Variants in EFEMP1 observed in about 807,000 individuals in gnomAD.
EFEMP1 encodes the protein EGF-containing fibulin-like extracellular matrix protein 1.
Under a neutral mutation model 65.7 loss-of-function variants are expected in EFEMP1, and 18 were observed. The ratio of observed to expected loss-of-function variants is 0.27; its 90% CI spans 0.19 to 0.41. The LOEUF (loss-of-function observed/expected upper bound fraction) is 0.41. EFEMP1 is among the 10% of genes least tolerant of loss of function. The probability of loss-of-function intolerance (pLI) is 1.00; values close to 1 mark genes in which losing one functional copy is unlikely to be tolerated. For missense variants in EFEMP1, 469 were observed against 624.8 expected (o/e 0.75, Z 2.66); for synonymous variants, 237 against 219.7 (o/e 1.08, Z -0.70).
At chr2:55,884,868 T>G (rs1669369112) in intron 5 of EFEMP1, among the ~76,000 whole-genome samples, 1 of 152,202 alleles carries the variant, frequency 6.6e-6, no homozygotes, top group Non-Finnish European at 1.5e-5. Context: ...TTTTCCCCCC[T>G]GTATTCCCAG....
At chr2:55,879,904 A>C (rs572762810) in intron 6 of EFEMP1, among the ~76,000 whole-genome samples, 1 of 152,330 alleles carries the variant, frequency 6.6e-6, no homozygotes, top group Non-Finnish European at 1.5e-5. Context: ...CTTCATCATA[A>C]TTTGAGAAGT....
At chr2:55,918,860 A>C (rs1670809557) in intron 3 of EFEMP1, among the ~76,000 whole-genome samples, 1 of 152,114 alleles carries the variant, frequency 6.6e-6, no homozygotes, top group Admixed American at 6.6e-5. Context: ...CACCTTCTGA[A>C]ACCAGGCAGT....
chr2:55,897,213 A>G (rs1669862261), intron 5 of EFEMP1, among the ~76,000 whole-genome samples: 1 of 152,104 alleles, frequency 6.6e-6, no homozygotes, highest in South Asian at 2.1e-4. Flanking sequence ...AGCACCCACT[A>G]TGCTTTGCAT....
At chr2:55,879,672 T>C (rs1669166705) in intron 6 of EFEMP1, among the ~76,000 whole-genome samples, 1 of 150,780 alleles carries the variant, frequency 6.6e-6, no homozygotes, top group African/African-American at 2.5e-5. Context: ...AGATCAACAA[T>C]AGAAAGGAGT....
chr2:55,889,708 A>G (rs1669559845), intron 5 of EFEMP1, among the ~76,000 whole-genome samples: 1 of 152,166 alleles, frequency 6.6e-6, no homozygotes, highest in Non-Finnish European at 1.5e-5. Context: ...TAGAGTTTAA[A>G]TATTTTAAGG....
intron 5 of EFEMP1, among the ~76,000 whole-genome samples, chr2:55,889,642 AT>A: frequency 6.6e-6 from 1 of 152,296 alleles, no homozygotes; most frequent in African/African-American, 2.4e-5. Context: ...TTTATAAAAT[AT>A]TTAGAATTAA....
intron 5 of EFEMP1, among the ~76,000 whole-genome samples, 160 bp from the exon 6 acceptor site, chr2:55,881,894 A>G (rs776994132): frequency 6.6e-6 from 1 of 152,218 alleles, no homozygotes; most frequent in Non-Finnish European, 1.5e-5. Context: ...TCAAGTGTTC[A>G]GAAAATAATT....
intron 5 of EFEMP1, among the ~76,000 whole-genome samples, chr2:55,888,538 T>C (rs929296736): frequency 7.9e-5 from 12 of 151,898 alleles, no homozygotes; most frequent in Non-Finnish European, 1.5e-4. Flanking sequence ...AGGGTTTCAC[T>C]ATGTTGGCCA....
Position 55,867,403 on chromosome 2 carries a change from T to A in EFEMP1, c.1321-169A>T, listed in dbSNP as rs1287690845. Among the ~76,000 whole-genome samples the A allele has an allele frequency of 6.6e-6, 1 of 152,042 alleles. No individual in the cohort carries two copies. The highest frequency in any genetic ancestry group is 2.4e-5 in the African/African-American group (1 of 41,416). On this transcript the variant is annotated intron_variant, in intron 11 of 11. Transcript: ENST00000355426. This position sits in a 1 kb window ranked among gnomAD's most constrained non-coding sequence, Gnocchi z 4.3. Reference sequence around the variant, plus strand: ...TTCAACTCTTCTTGGCTCTTATCCCTTGTCTAATACAGTCATTAGCTCCAA... The same window carrying A: ...TTCAACTCTTCTTGGCTCTTATCCCATGTCTAATACAGTCATTAGCTCCAA...
At chr2:55,920,118 G>T (rs1670862784) in intron 3 of EFEMP1, among the ~76,000 whole-genome samples, 1 of 152,104 alleles carries the variant, frequency 6.6e-6, no homozygotes, top group South Asian at 2.1e-4. Flanking sequence ...TCACCACCTG[G>T]ATTGGTCTCA....
chr2:55,915,957 TCATGA>T (rs1433594784), intron 5 of EFEMP1, among the ~76,000 whole-genome samples: 5 of 152,114 alleles, frequency 3.3e-5, no homozygotes, highest in Non-Finnish European at 7.3e-5. Flanking sequence ...GAATTCTGAC[TCATGA>T]CAGTAACACG....
chr2:55,905,345 T>C (rs762903571), intron 5 of EFEMP1, among the ~76,000 whole-genome samples: 42 of 152,218 alleles, frequency 2.8e-4, no homozygotes, highest in Non-Finnish European at 5.7e-4. Flanking sequence ...CCAGAAACTA[T>C]GTATTTTACT....
In EFEMP1 at chr2:55,917,115, G is replaced by A. The variant is rs1348894302; in HGVS notation, c.517+550C>T. 6.6e-6 allele frequency among the ~76,000 whole-genome samples: 1 copy of A among 152,170 alleles called. No individual in the cohort carries two copies. Among genetic ancestry groups the A allele is most frequent in the African/African-American group, 2.4e-5 (1 of 41,444 alleles). On this transcript the variant is annotated intron_variant, in intron 5 of 11. Coordinates refer to ENST00000355426, the MANE Select transcript of EFEMP1 (RefSeq NM_001039348.3). This position sits in a 1 kb window ranked among gnomAD's most constrained non-coding sequence, Gnocchi z 6.3. Reference sequence around the variant, plus strand: ...AGGAAAATAAGTCTGTGGCAAGTTCGATGAAAAGAAACTTGAGAAACCAAA... The same window carrying A: ...AGGAAAATAAGTCTGTGGCAAGTTCAATGAAAAGAAACTTGAGAAACCAAA...
At position 55,866,363 on chromosome 2, in the gene EFEMP1, A is replaced by G. The variant is rs539540129; in HGVS notation, c.*710T>C. The G allele has an allele frequency of 6.6e-6, 1 of 152,332 alleles. No individual in the cohort carries two copies. Among genetic ancestry groups the G allele is most frequent in the South Asian group, 2.1e-4 (1 of 4,826 alleles). 9.4% of individuals were successfully genotyped at this position (152,332 alleles called of 1,614,324 possible). On this transcript the variant is annotated 3_prime_UTR_variant, in exon 12 of 12. Coordinates refer to ENST00000355426, the MANE Select transcript of EFEMP1 (RefSeq NM_001039348.3). ...TGGTTTAGAAGGAATTTATTTTCTC[A>G]TATCCTCCCCATAGATTTCTCAATA...
Position 55,885,055 on chromosome 2 carries a change from A to C in EFEMP1, c.518-3321T>G, listed in dbSNP as rs543333639. On this transcript the variant is annotated intron_variant, in intron 5 of 11. Transcript: ENST00000355426. The surrounding 1 kb of genome is among the most constrained non-coding windows in gnomAD (Gnocchi z 4.3). ...GAAGCAGAGTAACAAGGTATATCTGAGAAACACAGCAAAATCAGTAAGATG... is the reference window on the plus strand; with the variant it reads ...GAAGCAGAGTAACAAGGTATATCTGCGAAACACAGCAAAATCAGTAAGATG... 4.6e-5 allele frequency among the ~76,000 whole-genome samples: 7 copies of C among 152,354 alleles called. No individual in the cohort carries two copies. The highest frequency in any genetic ancestry group is 1.7e-4 in the African/African-American group (7 of 41,582).
intron 5 of EFEMP1, among the ~76,000 whole-genome samples, chr2:55,895,127 A>G (rs1281820072): frequency 6.6e-6 from 1 of 152,194 alleles, no homozygotes; most frequent in Admixed American, 6.5e-5. Context: ...TCCTTGCAGG[A>G]TTGGCAGGGC....
chr2:55,910,799 C>T (rs1670453083), intron 5 of EFEMP1, among the ~76,000 whole-genome samples: 1 of 152,118 alleles, frequency 6.6e-6, no homozygotes, highest in Admixed American at 6.6e-5. Flanking sequence ...CTGATATTTA[C>T]AGAGTCTAAA....
rs553605246 is a variant in EFEMP1, at chr2:55,901,986, T to C, written c.517+15679A>G. Among the ~76,000 whole-genome samples, 9 of 152,296 alleles carry C rather than the reference T, an allele frequency of 5.9e-5. No homozygotes were observed. In the East Asian group the frequency reaches 1.5e-3, roughly 26 times the overall value. On this transcript the variant is annotated intron_variant, in intron 5 of 11. Transcript: ENST00000355426. ...ATGAGAAACAGAGGCAGGAAGTCAA[T>C]CCTGCCAGCAACCACTAGTATTTGA...
In EFEMP1 at chr2:55,918,059, C is replaced by A; in HGVS notation, c.131-8G>T. On this transcript the variant is annotated splice_polypyrimidine_tract_variant and splice_region_variant and intron_variant, in intron 4 of 11. Coordinates refer to ENST00000355426, the MANE Select transcript of EFEMP1 (RefSeq NM_001039348.3). Reference sequence around the variant, plus strand: ...TGTCACATTCATCAATATCTGTGGTCAGTAATAAAATAAGTCAGGAATCTT... The same window carrying A: ...TGTCACATTCATCAATATCTGTGGTAAGTAATAAAATAAGTCAGGAATCTT... 1.9e-6 allele frequency: 3 copies of A among 1,613,998 alleles called. No homozygotes were observed. In the South Asian group the frequency reaches 3.3e-5, roughly 18 times the overall value.
Sources: gnomAD v4.1 joint callset for allele counts (sites outside exome capture counted in the v4.1 genomes callset) on GRCh38, gnomAD v4.1.1 for gene constraint, Gnocchi (gnomAD v3.1) non-coding constraint, MANE v1.5 for transcripts, NCBI Gene and HGNC (gene_info 2026-07-23, HGNC 2026-07-21) for gene names.